ARMC9: variants seen among roughly 807,000 people sequenced by gnomAD.
ARMC9 encodes the protein armadillo repeat containing 9.
In ARMC9, 94 loss-of-function variants were observed where a neutral mutation model predicts 107.0. The ratio of observed to expected loss-of-function variants is 0.88; its 90% CI spans 0.74 to 1.04. ARMC9 has a LOEUF of 1.04. Ranked by LOEUF, ARMC9 falls within the 50% of genes least tolerant of loss-of-function variation. The pLI is 0.00. For synonymous variants in ARMC9, 380 were observed against 396.9 expected, an observed-to-expected ratio of 0.96 and a Z score of 0.51; for missense variants, 942 against 1,030.1, an observed-to-expected ratio of 0.91 and a Z score of 1.17.
intron 16 of ARMC9, among the ~76,000 whole-genome samples, chr2:231,280,889 A>G (rs892624151): frequency 1.3e-5 from 2 of 152,226 alleles, no homozygotes; most frequent in Non-Finnish European, 2.9e-5. Flanking sequence ...TGCTAGTTCA[A>G]TCGGGAACTG....
chr2:231,215,040 TG>T, intron 4 of ARMC9, 39 bp downstream of exon 4: 2 of 1,599,888 alleles, frequency 1.3e-6, no homozygotes, highest in Non-Finnish European at 1.7e-6. Context: ...CTGAGTGGTG[TG>T]TTAAGGAACA....
chr2:231,353,282 G>A lies in ARMC9; in HGVS notation c.1995-2516G>A, dbSNP rs535537587. On this transcript the variant is annotated intron_variant, in intron 21 of 24. Transcript: ENST00000611582. Reference sequence around the variant, plus strand: ...GGCTCACTGCAAGCTCCATCTCCCAGTTCACGCCATTCTCCTGCCTCAGCT... The same window carrying A: ...GGCTCACTGCAAGCTCCATCTCCCAATTCACGCCATTCTCCTGCCTCAGCT... Among the ~76,000 whole-genome samples, 330 of 127,060 alleles carry A rather than the reference G, an allele frequency of 2.6e-3. 23 individuals are homozygous for A. In the South Asian group the frequency reaches 0.031, roughly 12 times the overall value. The allele number at this position is 127,060 out of a possible 152,430, so 83.4% of individuals were successfully genotyped here. A position where few individuals can be genotyped will look rare whatever the true frequency, so the allele number is the denominator to read the frequency against.
rs745728209 is a variant in ARMC9 at position 231,202,319 on chromosome 2, CT to C, written c.-42+3642del. Among the ~76,000 whole-genome samples, 291 of 123,886 alleles carry C rather than the reference CT, an allele frequency of 2.3e-3. 2 individuals carry two copies. Among genetic ancestry groups the C allele is most frequent in the East Asian group, 8.0e-3 (35 of 4,376 alleles). 81.3% of individuals were successfully genotyped at this position (123,886 alleles called of 152,430 possible). A position where few individuals can be genotyped will look rare whatever the true frequency, so the allele number is the denominator to read the frequency against. ...CCAGCTGATCTTGTTTCTTGTTTCA[CT>C]TTTTTTTTTTTTTTTTTTTTGAGAC... is the stretch of plus-strand genomic sequence containing the variant. On this transcript the variant is annotated intron_variant, in intron 1 of 24. Transcript: ENST00000611582.
intron 23 of ARMC9, 145 bp from the exon 24 acceptor site, chr2:231,369,808 G>C (rs1229296864): frequency 1.1e-6 from 1 of 875,768 alleles, no homozygotes; most frequent in East Asian, 3.2e-5. Flanking sequence ...TGGCCAGGCT[G>C]GTCTCTAACT....
intron 17 of ARMC9, among the ~76,000 whole-genome samples, chr2:231,285,832 G>A (rs1290640280): frequency 6.6e-6 from 1 of 152,174 alleles, no homozygotes; most frequent in South Asian, 2.1e-4. Flanking sequence ...CTAAAACCCT[G>A]AGATTTCCCT....
chr2:231,232,133 C>T (rs1353078166), intron 7 of ARMC9, among the ~76,000 whole-genome samples: 1 of 145,054 alleles, frequency 6.9e-6, no homozygotes, highest in Non-Finnish European at 1.5e-5. Context: ...TCAAGCGATT[C>T]TGCTGCCTCA....
intron 9 of ARMC9, among the ~76,000 whole-genome samples, chr2:231,249,572 G>A (rs2037098627): frequency 6.6e-6 from 1 of 152,118 alleles, no homozygotes; most frequent in Non-Finnish European, 1.5e-5. Context: ...TCCTGGGGCT[G>A]AGAAGGGATG....
At chr2:231,317,808 A>T (rs2042786577) in intron 19 of ARMC9, among the ~76,000 whole-genome samples, 1 of 151,898 alleles carries the variant, frequency 6.6e-6, no homozygotes, top group African/African-American at 2.4e-5. Context: ...CAGTTATTGT[A>T]CTTTTCAGCT....
chr2:231,206,266 G>A lies in ARMC9; in HGVS notation c.28G>A (p.Glu10Lys), dbSNP rs748497564. 3.1e-6 allele frequency: 5 copies of A among 1,613,538 alleles called. No homozygotes were observed. Among genetic ancestry groups the A allele is most frequent in the Non-Finnish European group, 4.2e-6 (5 of 1,179,624 alleles). MGDILAHES[E>K]LLGLVKEYLD... is the part of the protein sequence containing the mutation. ...GGGGGACATTCTGGCTCATGAATCT[G>A]AATTACTTGGACTAGTGAAAGAGGT... The change falls in exon 2 of 25, where the codon GAA becomes AAA. Residue 10 changes from glutamate to lysine, a missense_variant. Glu to Lys is a moderately conservative substitution (Grantham distance 56). Coordinates refer to ENST00000611582, the MANE Select transcript of ARMC9 (RefSeq NM_001352754.2).
chr2:231,342,582 C>T lies in ARMC9; in HGVS notation c.1879-2393C>T, dbSNP rs185149625. ...CTCAGGGGTCCTCTGGCATGAGGGA[C>T]AGGAAAAAGAGAAGGCAGGAGTCAC... is the stretch of plus-strand genomic sequence containing the variant. On this transcript the variant is annotated intron_variant, in intron 20 of 24. Transcript: ENST00000611582. Among the ~76,000 whole-genome samples, 47 of 151,734 alleles carry T rather than the reference C, an allele frequency of 3.1e-4. No individual in the cohort carries two copies. In the East Asian group the frequency reaches 8.3e-3, roughly 27 times the overall value.
intron 1 of ARMC9, among the ~76,000 whole-genome samples, chr2:231,201,636 C>G (rs1035075846): frequency 5.9e-5 from 9 of 152,254 alleles, no homozygotes; most frequent in Non-Finnish European, 1.5e-5. Context: ...GTCTCAGACC[C>G]CACTGCTTCC....
chr2:231,273,221 T>C (rs1428823147), intron 14 of ARMC9, 143 bp downstream of exon 14: 2 of 1,171,964 alleles, frequency 1.7e-6, no homozygotes, highest in Non-Finnish European at 2.4e-6. Context: ...CTAGAAAGCT[T>C]ATCTGTAATC....
In ARMC9 at chr2:231,330,340, T is replaced by G. The variant is rs114903754; in HGVS notation, c.1774-1453T>G. Among the ~76,000 whole-genome samples the G allele has an allele frequency of 9.2e-3, 1,397 of 151,814 alleles. 23 individuals carry two copies. The highest frequency in any genetic ancestry group is 0.032 in the African/African-American group (1,323 of 41,354). On this transcript the variant is annotated intron_variant, in intron 19 of 24. Transcript: ENST00000611582. ...GGTTTGAGTAGAATTCCAGGTTCCA[T>G]GCTTGGCCTGGTTGACACCAGATGA...
At chr2:231,366,861 T>TC (rs1365549905) in intron 23 of ARMC9, among the ~76,000 whole-genome samples, 1 of 150,000 alleles carries the variant, frequency 6.7e-6, no homozygotes, top group African/African-American at 2.5e-5. Context: ...AAACAAATTT[T>TC]TTTTTTTGAG....
chr2:231,261,478 A>C (rs999401963), intron 11 of ARMC9, among the ~76,000 whole-genome samples: 2 of 152,208 alleles, frequency 1.3e-5, no homozygotes, highest in Non-Finnish European at 2.9e-5. Flanking sequence ...TCCCAATAGG[A>C]TAGGATAGAG....
chr2:231,253,361 T>C (rs938668542), intron 9 of ARMC9, among the ~76,000 whole-genome samples: 2 of 152,194 alleles, frequency 1.3e-5, no homozygotes, highest in Middle Eastern at 3.4e-3. Flanking sequence ...GTGATTTGCC[T>C]GCCTCGGCCT....
chr2:231,333,671 A>T (rs942826173), intron 20 of ARMC9, among the ~76,000 whole-genome samples: 18 of 152,188 alleles, frequency 1.2e-4, no homozygotes, highest in Non-Finnish European at 2.2e-4. Context: ...GCAGGCGGTG[A>T]GGAAAACAGA....
intron 19 of ARMC9, among the ~76,000 whole-genome samples, chr2:231,307,190 A>G (rs2042080363): frequency 6.6e-6 from 1 of 152,236 alleles, no homozygotes; most frequent in Non-Finnish European, 1.5e-5. Flanking sequence ...ACAGGGAGTC[A>G]CACAAGGAAG....
At chr2:231,347,235 A>G (rs924890709) in intron 21 of ARMC9, among the ~76,000 whole-genome samples, 1 of 152,224 alleles carries the variant, frequency 6.6e-6, no homozygotes, top group Non-Finnish European at 1.5e-5. Flanking sequence ...TCCTGAAACC[A>G]TGGACCTTCC....
Sources: allele counts gnomAD v4.1 joint callset (sites outside exome capture counted in the v4.1 genomes callset), GRCh38; gene constraint gnomAD v4.1.1; transcripts MANE v1.5; gene names NCBI Gene and HGNC (gene_info 2026-07-23, HGNC 2026-07-21).